Variants in ADGRG2 observed in about 807,000 individuals in gnomAD.
ADGRG2 encodes adhesion G protein-coupled receptor G2.
In ADGRG2, 26 loss-of-function variants were observed where a neutral mutation model predicts 74.1. That is an observed-to-expected ratio of 0.35 (90% CI 0.26 to 0.49). The LOEUF (loss-of-function observed/expected upper bound fraction) is 0.49. Ranked by LOEUF, ADGRG2 falls within the 20% of genes least tolerant of loss-of-function variation. The pLI, the probability that ADGRG2 is intolerant of heterozygous loss-of-function variation, is 0.99. For missense variants in ADGRG2, 619 were observed against 763.1 expected, an observed-to-expected ratio of 0.81 and a Z score of 2.22; for synonymous variants, 296 against 295.2, an observed-to-expected ratio of 1.00 and a Z score of -0.03.
chrX:19,120,648 A>G (rs1393088617), intron 1 of ADGRG2, among the ~76,000 whole-genome samples: 2 of 111,630 alleles, frequency 1.8e-5, no homozygotes, highest in Non-Finnish European at 3.8e-5. Context: ...TATGGTGACT[A>G]TTAGGATCAG....
intron 1 of ADGRG2, among the ~76,000 whole-genome samples, chrX:19,105,228 T>C (rs1319973966): frequency 8.9e-6 from 1 of 112,200 alleles, no homozygotes; most frequent in African/African-American, 3.2e-5. Flanking sequence ...GTTATTCTCT[T>C]TGACTCATCC....
chrX:19,106,717 G>C (rs931638722), intron 1 of ADGRG2, among the ~76,000 whole-genome samples: 2 of 110,759 alleles, frequency 1.8e-5, no homozygotes, highest in Admixed American at 9.6e-5. Context: ...CCAGGAGTTC[G>C]AGACCAGCCT....
chrX:19,101,101 TTGTGTGTGTGTGTGTG>T (rs10579733), intron 1 of ADGRG2, among the ~76,000 whole-genome samples: 2,588 of 89,824 alleles, frequency 0.029, 89 homozygotes, highest in African/African-American at 0.099. Context: ...AATCATGAGA[TTGTGTGTGTGTGTGTG>T]TGTGTGTGTG....
intron 3 of ADGRG2, among the ~76,000 whole-genome samples, chrX:19,051,176 AC>A (rs1229367692): frequency 3.6e-5 from 4 of 111,446 alleles, no homozygotes; most frequent in African/African-American, 1.3e-4. Flanking sequence ...CCTGGTTCAC[AC>A]CATTCTCCTG....
intron 15 of ADGRG2, among the ~76,000 whole-genome samples, chrX:19,018,584 A>G (rs998162511): frequency 5.4e-5 from 6 of 111,295 alleles, no homozygotes; most frequent in Non-Finnish European, 1.1e-4. Context: ...TATACCTCCC[A>G]CGCAGCTTGG....
intron 3 of ADGRG2, among the ~76,000 whole-genome samples, chrX:19,061,552 C>A (rs1427539089): frequency 2.7e-5 from 3 of 111,577 alleles, no homozygotes; most frequent in African/African-American, 6.5e-5. Flanking sequence ...TTTATAGATA[C>A]AATTTAGATG....
chrX:19,055,291 C>T (rs561181484), intron 3 of ADGRG2, among the ~76,000 whole-genome samples: 6 of 111,500 alleles, frequency 5.4e-5, no homozygotes, highest in South Asian at 7.5e-4. Flanking sequence ...TGTGTGCGCG[C>T]GCACGCGCGT....
intron 4 of ADGRG2, among the ~76,000 whole-genome samples, chrX:19,039,039 G>A (rs775245276): frequency 3.6e-5 from 4 of 111,781 alleles, no homozygotes; most frequent in African/African-American, 1.3e-4. Context: ...GGTTTACACT[G>A]TGCCTGGCAC....
At chrX:19,013,550 T>G (rs1469498540) in intron 16 of ADGRG2, 136 bp downstream of exon 16, 3 of 503,479 alleles carry the variant, frequency 6.0e-6, no homozygotes, top group Non-Finnish European at 9.7e-6. Flanking sequence ...TATGCAACCA[T>G]GTAAGTCATT....
In ADGRG2 at chrX:19,118,494, G is replaced by A. The variant is rs188805111; in HGVS notation, c.-47+3948C>T. ...TCAAAATCCCCGGCTGAAGAGATCC[G>A]TCTGCCTCAGCCTCCTGAGTAGCAA... is the stretch of plus-strand genomic sequence containing the variant. On this transcript the variant is annotated intron_variant, in intron 1 of 28. Coordinates refer to ENST00000379869, the MANE Select transcript of ADGRG2 (RefSeq NM_001079858.3). Among the ~76,000 whole-genome samples the A allele has an allele frequency of 6.5e-4, 73 of 112,113 alleles. 1 individual carries two copies. Among genetic ancestry groups the A allele is most frequent in the Middle Eastern group, 9.3e-3 (2 of 214 alleles).
upstream of ADGRG2, chrX:19,122,727 A>AGGGGCC (rs1277302934): frequency 1.8e-5 from 2 of 109,039 alleles, no homozygotes; most frequent in Admixed American, 1.9e-4. Flanking sequence ...GGGCAGGGGC[A>AGGGGCC]GGGGCCGGGG....
intron 1 of ADGRG2, among the ~76,000 whole-genome samples, chrX:19,121,818 A>G (rs1188173945): frequency 1.8e-5 from 2 of 110,023 alleles, no homozygotes; most frequent in African/African-American, 3.3e-5. Flanking sequence ...CTCACTTTTT[A>G]TCGGGTTTCG....
chrX:19,112,935 C>T (rs1298186794), intron 1 of ADGRG2, among the ~76,000 whole-genome samples: 2 of 95,608 alleles, frequency 2.1e-5, no homozygotes, highest in Admixed American at 1.2e-4. Flanking sequence ...TCCAGCCTGG[C>T]GACAGGGTGA....
At chrX:19,103,210 T>C (rs1310109472) in intron 1 of ADGRG2, among the ~76,000 whole-genome samples, 1 of 111,538 alleles carries the variant, frequency 9.0e-6, no homozygotes, top group Non-Finnish European at 1.9e-5. Flanking sequence ...TCCTCACTGC[T>C]CATTATACGC....
chrX:19,080,428 A>G (rs747805893), intron 2 of ADGRG2, among the ~76,000 whole-genome samples: 12 of 111,134 alleles, frequency 1.1e-4, no homozygotes, highest in African/African-American at 3.9e-4. Flanking sequence ...ATTCGGGAGC[A>G]TGCATGGTAG....
rs144153805 is a variant in ADGRG2, at chrX:19,019,705, G to A, written c.644-40C>T. The stretch of plus-strand genomic sequence containing the variant: ...AGGAAAAGGAGTAAGAAAAATGCAC[G>A]GTCAAGAACAAAGCAAGGTGGCAGC... On this transcript the variant is annotated intron_variant, in intron 14 of 28. Coordinates refer to ENST00000379869, the MANE Select transcript of ADGRG2 (RefSeq NM_001079858.3). 100 of 768,377 alleles carry A rather than the reference G, an allele frequency of 1.3e-4. No homozygotes were observed. In the African/African-American group the frequency reaches 1.3e-3, roughly 10 times the overall value. The allele number at this position is 768,377 out of a possible 1,213,427, so 63.3% of individuals were successfully genotyped here. A position where few individuals can be genotyped will look rare whatever the true frequency, so the allele number is the denominator to read the frequency against.
At chrX:19,021,933 C>T (rs957851750) in intron 13 of ADGRG2, among the ~76,000 whole-genome samples, 15 of 109,156 alleles carry the variant, frequency 1.4e-4, no homozygotes, top group Admixed American at 3.8e-4. Flanking sequence ...CAAGTGTGAG[C>T]CACTGCACCC....
intron 16 of ADGRG2, among the ~76,000 whole-genome samples, chrX:19,012,457 G>T (rs1159760749): frequency 9.1e-6 from 1 of 109,814 alleles, no homozygotes; most frequent in Non-Finnish European, 1.9e-5. Flanking sequence ...TTTGACTACA[G>T]CCCCAATGCT....
intron 1 of ADGRG2, among the ~76,000 whole-genome samples, chrX:19,112,113 C>T (rs908048436): frequency 9.1e-6 from 1 of 109,884 alleles, no homozygotes; most frequent in Admixed American, 9.8e-5. Context: ...GCTCTGTCAC[C>T]CAGGCTGGAG....
Sources: gnomAD v4.1 joint callset for allele counts (sites outside exome capture counted in the v4.1 genomes callset) on GRCh38, gnomAD v4.1.1 for gene constraint, MANE v1.5 for transcripts, NCBI Gene and HGNC (gene_info 2026-07-23, HGNC 2026-07-21) for gene names.